The following ASTN2 variants were observed in gnomAD, a reference collection of about 807,000 sequenced individuals.
ASTN2 encodes the protein astrotactin-2.
A neutral mutation model predicts 139.8 loss-of-function variants in ASTN2; 54 were observed. The observed-to-expected ratio is 0.39, with a 90% CI of 0.31 to 0.48. The LOEUF (loss-of-function observed/expected upper bound fraction) is 0.48, where lower values mean the gene tolerates loss of function less well. Ranked by LOEUF, ASTN2 falls within the 20% of genes least tolerant of loss-of-function variation. ASTN2 has a pLI of 0.95. For missense variants in ASTN2, 1,565 were observed against 1,725.1 expected, an observed-to-expected ratio of 0.91 and a Z score of 1.64; for synonymous variants, 756 against 719.5, an observed-to-expected ratio of 1.05 and a Z score of -0.81.
chr9:116,989,201 G>A (rs1224531433), intron 7 of ASTN2, among the ~76,000 whole-genome samples: 3 of 152,030 alleles, frequency 2.0e-5, no homozygotes, highest in Non-Finnish European at 4.4e-5. Flanking sequence ...TACAATTATA[G>A]CAAAAATACT....
At chr9:116,712,761 A>T (rs1022235024) in intron 16 of ASTN2, among the ~76,000 whole-genome samples, 1 of 152,234 alleles carries the variant, frequency 6.6e-6, no homozygotes, top group South Asian at 2.1e-4. Context: ...GTTTTGGTGC[A>T]ATGTCACCAT....
chr9:117,297,942 A>C (rs1310262327), intron 1 of ASTN2, among the ~76,000 whole-genome samples: 1 of 152,238 alleles, frequency 6.6e-6, no homozygotes, highest in African/African-American at 2.4e-5. Context: ...CATATAAGTC[A>C]GCCTTCCTGG....
intron 5 of ASTN2, among the ~76,000 whole-genome samples, chr9:117,066,486 C>A (rs1435943760): frequency 4.7e-5 from 7 of 149,110 alleles, no homozygotes; most frequent in Admixed American, 2.0e-4. Flanking sequence ...CATACGTGTG[C>A]ATGTGTCTTT....
At chr9:116,772,127 G>A (rs150983009) in intron 13 of ASTN2, among the ~76,000 whole-genome samples, 1 of 152,230 alleles carries the variant, frequency 6.6e-6, no homozygotes, top group Admixed American at 6.5e-5. Context: ...AACCCAATTA[G>A]AGAACTGCAA....
At chr9:116,468,078 A>G (rs549017951) in intron 20 of ASTN2, among the ~76,000 whole-genome samples, 11 of 152,290 alleles carry the variant, frequency 7.2e-5, no homozygotes, top group African/African-American at 2.4e-4. Context: ...TACTGAGGAC[A>G]TGAAGCCGTG....
intron 1 of ASTN2, among the ~76,000 whole-genome samples, chr9:117,404,259 T>A (rs905399238): frequency 2.6e-5 from 4 of 152,192 alleles, no homozygotes; most frequent in Admixed American, 1.3e-4. Context: ...CTCAGAGAAG[T>A]GGCATACATA....
intron 3 of ASTN2, among the ~76,000 whole-genome samples, chr9:117,196,253 G>T (rs911110863): frequency 6.6e-6 from 1 of 152,156 alleles, no homozygotes; most frequent in Non-Finnish European, 1.5e-5. Flanking sequence ...TAGGGTTATT[G>T]TGAGGTATAA....
At chr9:117,412,079 A>C (rs1831180879) in intron 1 of ASTN2, among the ~76,000 whole-genome samples, 1 of 146,376 alleles carries the variant, frequency 6.8e-6, no homozygotes, top group Non-Finnish European at 1.5e-5. Context: ...CTCATTGTGC[A>C]CTCTGTGTTT....
At chr9:116,792,902 G>T (rs1830594562) in intron 13 of ASTN2, among the ~76,000 whole-genome samples, 1 of 152,046 alleles carries the variant, frequency 6.6e-6, no homozygotes, top group Non-Finnish European at 1.5e-5. Flanking sequence ...CTGTTCCTCT[G>T]TACTCATGGA....
chr9:116,802,062 G>T (rs7860032), intron 13 of ASTN2, among the ~76,000 whole-genome samples: 113,554 of 149,402 alleles, frequency 0.76, 43,452 homozygotes, highest in African/African-American at 0.84. Flanking sequence ...GCCTTTAAGG[G>T]GCCATGTTCT....
chr9:117,282,242 C>T (rs1411717443), intron 2 of ASTN2, among the ~76,000 whole-genome samples: 1 of 152,210 alleles, frequency 6.6e-6, no homozygotes, highest in African/African-American at 2.4e-5. Context: ...TCTCAATCAA[C>T]ATGGGTTGGA....
intron 3 of ASTN2, among the ~76,000 whole-genome samples, chr9:117,158,677 C>T (rs114370344): frequency 1.3e-5 from 2 of 151,992 alleles, no homozygotes; most frequent in Non-Finnish European, 2.9e-5. Flanking sequence ...TTTGTCAAGA[C>T]TAGAAGATTC....
At chr9:116,885,943 G>C (rs1833585452) in intron 10 of ASTN2, among the ~76,000 whole-genome samples, 1 of 152,194 alleles carries the variant, frequency 6.6e-6, no homozygotes, top group South Asian at 2.1e-4. Context: ...ACCAGGTTTA[G>C]GTTTATGCAG....
At chr9:116,544,535 GTTC>G (rs746190639) in intron 19 of ASTN2, among the ~76,000 whole-genome samples, 3 of 152,158 alleles carry the variant, frequency 2.0e-5, no homozygotes, top group Admixed American at 1.3e-4. Context: ...GATGATTTGG[GTTC>G]TTCTATTTAT....
At chr9:116,446,055 G>A (rs1847977675) in intron 20 of ASTN2, among the ~76,000 whole-genome samples, 1 of 152,016 alleles carries the variant, frequency 6.6e-6, no homozygotes, top group African/African-American at 2.4e-5. Context: ...GCCTGGAGGG[G>A]TTACTTGTGA....
chr9:117,375,042 TG>T (rs1203502167), intron 1 of ASTN2, among the ~76,000 whole-genome samples: 4 of 152,256 alleles, frequency 2.6e-5, no homozygotes, highest in Admixed American at 2.6e-4. Flanking sequence ...TTACCTAGAC[TG>T]GGGTTTACTT....
rs749346566 is a variant in ASTN2 at position 116,651,497 on chromosome 9, T to A, written c.3072+31A>T. ...TAGGAGGTAGGAGGGCTGGTCAAGT[T>A]TGACTGAGTGGCTGGGCCAGGGGAG... On this transcript the variant is annotated intron_variant, in intron 17 of 22. Coordinates refer to ENST00000313400, the MANE Select transcript of ASTN2 (RefSeq NM_001365068.1). 1.0e-5 allele frequency: 16 copies of A among 1,603,800 alleles called. No individual in the cohort carries two copies. The South Asian group carries it at 1.4e-4, about 14-fold the overall frequency.
rs368876944 is a variant in ASTN2 at position 117,267,312 on chromosome 9, A to G, written c.630+24014T>C. On this transcript the variant is annotated intron_variant, in intron 2 of 22. Transcript: ENST00000313400. ...ATGGTATCCTGGATTGGATCCTAGTACAGTAAAAGGGCATCAGTGGAGAAA... is the reference window on the plus strand; with the variant it reads ...ATGGTATCCTGGATTGGATCCTAGTGCAGTAAAAGGGCATCAGTGGAGAAA... Among the ~76,000 whole-genome samples the G allele has an allele frequency of 4.1e-4, 62 of 152,300 alleles. 1 individual carries two copies. The South Asian group carries it at 0.011, about 28-fold the overall frequency.
At chr9:116,963,890 A>G (rs2132507354) in intron 10 of ASTN2, among the ~76,000 whole-genome samples, 1 of 152,220 alleles carries the variant, frequency 6.6e-6, no homozygotes, top group South Asian at 2.1e-4. Flanking sequence ...CAGAGTCACC[A>G]TGAACTGTGT....
Sources: allele counts gnomAD v4.1 joint callset (sites outside exome capture counted in the v4.1 genomes callset), GRCh38; gene constraint gnomAD v4.1.1; transcripts MANE v1.5; gene names NCBI Gene and HGNC (gene_info 2026-07-23, HGNC 2026-07-21).